CTXND1: variants seen among roughly 807,000 people sequenced by gnomAD.
CTXND1 encodes cortexin domain-containing 1 protein.
chr15:80,221,561 C>T (rs531300232), intron 1 of CTXND1, among the ~76,000 whole-genome samples: 6 of 152,124 alleles, frequency 3.9e-5, no homozygotes, highest in South Asian at 2.1e-4. Flanking sequence ...CCAGCCTGGG[C>T]GACAGAGAGA....
intron 1 of CTXND1, among the ~76,000 whole-genome samples, chr15:80,250,344 TC>T (rs1412378282): frequency 1.3e-5 from 2 of 152,146 alleles, no homozygotes; most frequent in Non-Finnish European, 2.9e-5. Flanking sequence ...TTTTTTTTTT[TC>T]AGGCCAATTA....
chr15:80,204,208 A>ATATATC, intron 1 of CTXND1, among the ~76,000 whole-genome samples: 1 of 51,134 alleles, frequency 2.0e-5, no homozygotes, highest in Non-Finnish European at 3.7e-5. Context: ...ATACACAAAC[A>ATATATC]CATACACACA....
chr15:80,239,365 A>C (rs73487229), intron 1 of CTXND1, among the ~76,000 whole-genome samples: 6,652 of 152,306 alleles, frequency 0.044, 421 homozygotes, highest in East Asian at 0.27. Context: ...CAAAGTATTG[A>C]TCCTAGGTGT....
chr15:80,235,852 T>C (rs537200289), intron 1 of CTXND1, among the ~76,000 whole-genome samples: 1 of 151,538 alleles, frequency 6.6e-6, no homozygotes, highest in African/African-American at 2.4e-5. Flanking sequence ...GCTTGCTCAT[T>C]TGCAAAATGG....
chr15:80,251,219 T>C (rs1437223), intron 1 of CTXND1, among the ~76,000 whole-genome samples: 121,900 of 152,122 alleles, frequency 0.8, 49,614 homozygotes, highest in East Asian at 0.95. Context: ...TAACAGGTTC[T>C]TTTCCAGAAC....
rs1445137167 is a variant in CTXND1 at position 80,199,073 on chromosome 15, T to A, written c.*2697A>T. On this transcript the variant is annotated 3_prime_UTR_variant, in exon 3 of 3. Transcript: ENST00000560778. ...TTGGAGGCTTGGGTTGGGAGTGCTT[T>A]TTATATTTTCCACCCTTCCTGAAAT... The A allele has an allele frequency of 6.6e-6, 1 of 152,216 alleles. No homozygotes were observed. Among genetic ancestry groups the A allele is most frequent in the South Asian group, 2.1e-4 (1 of 4,830 alleles). The allele number at this position is 152,216 out of a possible 1,614,324, so 9.4% of individuals were successfully genotyped here. A position where few individuals can be genotyped will look rare whatever the true frequency, so the allele number is the denominator to read the frequency against.
At chr15:80,231,953 G>A (rs75034781) in intron 1 of CTXND1, among the ~76,000 whole-genome samples, 7,773 of 152,198 alleles carry the variant, frequency 0.051, 269 homozygotes, top group Middle Eastern at 0.12. Flanking sequence ...GTTCACAAAG[G>A]TCCCAGGAAC....
At chr15:80,246,213 C>T (rs1006136324) in intron 1 of CTXND1, among the ~76,000 whole-genome samples, 1 of 152,082 alleles carries the variant, frequency 6.6e-6, no homozygotes, top group Admixed American at 6.5e-5. Flanking sequence ...CTTTGTCTTC[C>T]AAAGAAGCAA....
intron 1 of CTXND1, among the ~76,000 whole-genome samples, chr15:80,214,275 A>G (rs893807858): frequency 2.7e-5 from 4 of 148,270 alleles, no homozygotes; most frequent in African/African-American, 1.0e-4. Flanking sequence ...ACATTTAAAG[A>G]TAACATTTAA....
intron 1 of CTXND1, among the ~76,000 whole-genome samples, chr15:80,242,891 C>T (rs1241942285): frequency 6.6e-6 from 1 of 152,252 alleles, no homozygotes; most frequent in East Asian, 1.9e-4. Context: ...CTGCCCAGCC[C>T]CTGGAGGCAT....
chr15:80,202,046 G>T, intron 2 of CTXND1, 32 bp from the exon 3 acceptor site: 1 of 397,992 alleles, frequency 2.5e-6, no homozygotes, highest in Admixed American at 4.4e-5. Flanking sequence ...TGGGGAAGGA[G>T]GGGCATGGTC....
chr15:80,208,851 A>G (rs1893176492), intron 1 of CTXND1, among the ~76,000 whole-genome samples: 1 of 152,200 alleles, frequency 6.6e-6, no homozygotes, highest in Admixed American at 6.5e-5. Context: ...GGAGAAGCCC[A>G]TGTTTCCGAC....
chr15:80,217,845 C>T (rs1466642829), intron 1 of CTXND1, among the ~76,000 whole-genome samples: 2 of 152,158 alleles, frequency 1.3e-5, no homozygotes, highest in African/African-American at 4.8e-5. Flanking sequence ...CCATGGCCAG[C>T]CCACTAATAG....
intron 1 of CTXND1, among the ~76,000 whole-genome samples, chr15:80,222,895 A>C: frequency 6.6e-6 from 1 of 152,222 alleles, no homozygotes; most frequent in South Asian, 2.1e-4. Context: ...ACAAATAAAC[A>C]CAAATACATA....
In CTXND1 at chr15:80,199,284, G is replaced by A. The variant is rs2041436504; in HGVS notation, c.*2486C>T. On this transcript the variant is annotated 3_prime_UTR_variant, in exon 3 of 3. Transcript: ENST00000560778. Reference sequence around the variant, plus strand: ...TACATTCTGTACGTAGGTCTGGAGGGGGCTGTGAGTTTGGGTTTCTAACAA... The same window carrying A: ...TACATTCTGTACGTAGGTCTGGAGGAGGCTGTGAGTTTGGGTTTCTAACAA... 1 of 152,190 alleles carries A rather than the reference G, an allele frequency of 6.6e-6. No homozygotes were observed. Among genetic ancestry groups the A allele is most frequent in the Admixed American group, 6.5e-5 (1 of 15,286 alleles). The allele number at this position is 152,190 out of a possible 1,614,324, so 9.4% of individuals were successfully genotyped here. A position where few individuals can be genotyped will look rare whatever the true frequency, so the allele number is the denominator to read the frequency against.
In CTXND1 at chr15:80,196,326, T is replaced by A. The variant is rs12708527; in HGVS notation, c.*5444A>T. 29,327 of 152,140 alleles carry A rather than the reference T, an allele frequency of 0.19. 3,114 individuals are homozygous for A. Among genetic ancestry groups the A allele is most frequent in the East Asian group, 0.35 (1,822 of 5,180 alleles). The allele number at this position is 152,140 out of a possible 1,614,324, so 9.4% of individuals were successfully genotyped here. On this transcript the variant is annotated 3_prime_UTR_variant, in exon 3 of 3. Transcript: ENST00000560778. Reference sequence around the variant, plus strand: ...AATCTGTGGATACTGTGGCAACTCATTGAAGACACGGCACTAAGAATTTGA... The same window carrying A: ...AATCTGTGGATACTGTGGCAACTCAATGAAGACACGGCACTAAGAATTTGA...
chr15:80,219,442 T>C (rs1191148745), intron 1 of CTXND1, among the ~76,000 whole-genome samples: 3 of 152,224 alleles, frequency 2.0e-5, no homozygotes, highest in East Asian at 3.8e-4. Flanking sequence ...CTCCAACTAA[T>C]GGGCTTTTAT....
chr15:80,211,758 G>A (rs970876861), intron 1 of CTXND1, among the ~76,000 whole-genome samples: 3 of 152,126 alleles, frequency 2.0e-5, no homozygotes, highest in African/African-American at 7.2e-5. Flanking sequence ...TATTTCTGCT[G>A]AGAGAATGCA....
In CTXND1 at chr15:80,211,501, C is replaced by T. The variant is rs192007732; in HGVS notation, c.-217-7761G>A. On this transcript the variant is annotated intron_variant, in intron 1 of 2. Transcript: ENST00000560778. Reference sequence around the variant, plus strand: ...AATCACATCGTTCTGTGGGACTGCACTTGGTGGCCTCACTCCTCTACCAGA... The same window carrying T: ...AATCACATCGTTCTGTGGGACTGCATTTGGTGGCCTCACTCCTCTACCAGA... Among the ~76,000 whole-genome samples the T allele has an allele frequency of 2.4e-4, 37 of 152,260 alleles. No homozygotes were observed. The East Asian group carries it at 6.2e-3, about 25-fold the overall frequency.
Sources: gnomAD v4.1 joint callset for allele counts (sites outside exome capture counted in the v4.1 genomes callset) on GRCh38, gnomAD v4.1.1 for gene constraint, MANE v1.5 for transcripts, NCBI Gene and HGNC (gene_info 2026-07-23, HGNC 2026-07-21) for gene names.